Variants in COL4A4 observed in about 807,000 individuals in gnomAD.
The protein encoded by COL4A4 is collagen alpha-4(IV) chain.
COL4A4 carries 105 observed loss-of-function variants against 192.9 expected under a neutral mutation model. That is an observed-to-expected ratio of 0.54 (90% CI 0.46 to 0.64). The LOEUF (loss-of-function observed/expected upper bound fraction) is 0.64. COL4A4 is among the 30% of genes least tolerant of loss of function. COL4A4 has a pLI of 0.00. For synonymous variants in COL4A4, 762 were observed against 769.9 expected (o/e 0.99, Z 0.17); for missense variants, 1,967 against 2,169.3 (o/e 0.91, Z 1.85).
chr2:227,103,011 T>C (rs1229681947), intron 14 of COL4A4, 133 bp downstream of exon 14: 2 of 1,048,272 alleles, frequency 1.9e-6, no homozygotes, highest in Non-Finnish European at 2.9e-6. Flanking sequence ...TATAGTATTA[T>C]GATAAGATAG....
the COL4A4 span, among the ~76,000 whole-genome samples, chr2:226,973,580 T>C: frequency 2.0e-5 from 3 of 152,236 alleles, no homozygotes; most frequent in African/African-American, 7.2e-5. Context: ...CTCTCTTCCC[T>C]GCCTAGTCCC....
intron 44 of COL4A4, among the ~76,000 whole-genome samples, chr2:227,014,177 A>G (rs1042966799): frequency 3.9e-5 from 6 of 152,180 alleles, no homozygotes; most frequent in Non-Finnish European, 8.8e-5. Flanking sequence ...AGCAACATCA[A>G]TAGGAAACAC....
At chr2:227,062,406 G>T in intron 26 of COL4A4, 124 bp downstream of exon 26, 1 of 710,590 alleles carries the variant, frequency 1.4e-6, no homozygotes, top group Non-Finnish European at 2.5e-6. Flanking sequence ...CCTATCCATG[G>T]TCCCTCAAAA....
intron 37 of COL4A4, among the ~76,000 whole-genome samples, chr2:227,036,514 A>G (rs1054476400): frequency 2.6e-5 from 4 of 152,254 alleles, no homozygotes; most frequent in African/African-American, 9.6e-5. Flanking sequence ...GCTGATGGGA[A>G]GAGAGATCTT....
intron 24 of COL4A4, among the ~76,000 whole-genome samples, chr2:227,078,669 C>G (rs999764642): frequency 1.3e-5 from 2 of 152,162 alleles, no homozygotes; most frequent in African/African-American, 2.4e-5. Flanking sequence ...TCTCTAATAT[C>G]ATATGTCATA....
Position 227,028,007 on chromosome 2 carries a change from G to T in COL4A4, c.3976C>A (p.Pro1326Thr), listed in dbSNP as rs754359129. The stretch of plus-strand genomic sequence containing the variant: ...CCCTGCGGTCCCGGGAATCCCACTG[G>T]TCCTTAAAAAAAAACAAAACATAAA... ...GCDGKDGQKG[P>T]VGFPGPQGPH... The change falls in exon 42 of 48, where the codon CCA (proline) becomes ACA (threonine). Residue 1326 changes from proline (P) to threonine (T), a missense_variant and splice_region_variant. By Grantham distance (38) the Pro-to-Thr change is conservative. Transcript: ENST00000396625. The T allele has an allele frequency of 3.1e-6, 5 of 1,595,644 alleles. No individual in the cohort carries two copies. In the South Asian group the frequency reaches 4.5e-5, roughly 14 times the overall value.
Position 227,147,588 on chromosome 2 carries a change from T to G in COL4A4, c.-101-4A>C. ...TGTTCTGGGTCAAAGTCTGTTCCTGTTAGATATAAATATATCACTTAAAAC... is the reference window on the plus strand; with the variant it reads ...TGTTCTGGGTCAAAGTCTGTTCCTGGTAGATATAAATATATCACTTAAAAC... On this transcript the variant is annotated splice_polypyrimidine_tract_variant and splice_region_variant and intron_variant, in intron 1 of 47. Transcript: ENST00000396625. 6 of 929,454 alleles carry G rather than the reference T, an allele frequency of 6.5e-6. No homozygotes were observed. In the Middle Eastern group the frequency reaches 6.3e-4, roughly 98 times the overall value. The allele number at this position is 929,454 out of a possible 1,614,324, so 57.6% of individuals were successfully genotyped here.
the COL4A4 span, among the ~76,000 whole-genome samples, chr2:226,989,047 G>A: frequency 1.3e-5 from 2 of 152,214 alleles, no homozygotes; most frequent in Non-Finnish European, 2.9e-5. Context: ...CTGATGTAGG[G>A]GCTGAGGAAG....
At chr2:227,135,925 T>TGA (rs368593184) in intron 4 of COL4A4, among the ~76,000 whole-genome samples, 28 of 152,208 alleles carry the variant, frequency 1.8e-4, no homozygotes, top group African/African-American at 6.7e-4. Flanking sequence ...ATTACAGGCG[T>TGA]GAACCACCAT....
the COL4A4 span, among the ~76,000 whole-genome samples, chr2:226,974,638 T>A: frequency 6.6e-6 from 1 of 152,202 alleles, no homozygotes; most frequent in Admixed American, 6.5e-5. Flanking sequence ...AGTTATTACA[T>A]TCTTCTGGTT....
chr2:227,151,321 T>A (rs2063929060), intron 1 of COL4A4, among the ~76,000 whole-genome samples: 1 of 152,212 alleles, frequency 6.6e-6, no homozygotes, highest in Admixed American at 6.5e-5. Flanking sequence ...ATCAAAAACA[T>A]AAATTTTAAT....
intron 39 of COL4A4, 21 bp downstream of exon 39, chr2:227,032,127 G>A (rs1025657458): frequency 2.5e-6 from 4 of 1,614,124 alleles, no homozygotes; most frequent in Non-Finnish European, 2.5e-6. Context: ...TGAAAGAAGG[G>A]CAAAGCATGC....
At position 227,008,300 on chromosome 2, in the gene COL4A4, C is replaced by T. The variant is rs1361775505; in HGVS notation, c.4527G>A (p.Leu1509=). 1 of 1,614,142 alleles carries T rather than the reference C, an allele frequency of 6.2e-7. No individual in the cohort carries two copies. Among genetic ancestry groups the T allele is most frequent in the Admixed American group, 1.7e-5 (1 of 60,026 alleles). ...TAAATACGGGAAGGCAAGACCCTGC[C>T]AGACCTTGGGAAGGGAAGAAGAGAC... The part of the protein sequence containing the change: ...QEKAHNQDLG[L]AGSCLPVFST... Residue 1509 remains leucine (L), a synonymous_variant, in exon 47 of 48, where the codon CTG becomes CTA. Transcript: ENST00000396625.
chr2:227,130,788 G>A (rs2062404015), intron 4 of COL4A4, among the ~76,000 whole-genome samples: 1 of 152,128 alleles, frequency 6.6e-6, no homozygotes, highest in African/African-American at 2.4e-5. Flanking sequence ...TTCCTGAGCG[G>A]GCACCACTGT....
chr2:227,071,485 A>G (rs532998873), intron 25 of COL4A4, among the ~76,000 whole-genome samples: 3 of 152,294 alleles, frequency 2.0e-5, no homozygotes, highest in Non-Finnish European at 4.4e-5. Flanking sequence ...AGCACTAGAC[A>G]GATCTTCATG....
intron 25 of COL4A4, among the ~76,000 whole-genome samples, chr2:227,066,039 T>C (rs1352558784): frequency 6.6e-6 from 1 of 152,182 alleles, no homozygotes; most frequent in African/African-American, 2.4e-5. Flanking sequence ...AAGGAGCTGA[T>C]GGAGCTGAAA....
At chr2:227,080,686 A>G (rs931174082) in intron 23 of COL4A4, 137 bp from the exon 24 acceptor site, 12 of 709,470 alleles carry the variant, frequency 1.7e-5, no homozygotes, top group Non-Finnish European at 2.5e-5. Flanking sequence ...CAAGTCACAT[A>G]AAACATGCCA....
At chr2:227,012,108 G>T in intron 45 of COL4A4, 73 bp downstream of exon 45, 1 of 1,235,310 alleles carries the variant, frequency 8.1e-7, no homozygotes, top group Non-Finnish European at 1.2e-6. Flanking sequence ...AAAGCCACTT[G>T]AGAGATCAGA....
the COL4A4 span, among the ~76,000 whole-genome samples, chr2:226,971,577 A>C: frequency 1.3e-5 from 2 of 152,206 alleles, no homozygotes; most frequent in African/African-American, 4.8e-5. Context: ...TCAGGTCATA[A>C]TCCATTCTTT....
Sources: allele counts gnomAD v4.1 joint callset (sites outside exome capture counted in the v4.1 genomes callset), GRCh38; gene constraint gnomAD v4.1.1; transcripts MANE v1.5; gene names NCBI Gene and HGNC (gene_info 2026-07-23, HGNC 2026-07-21).